MAGI2: variants seen among roughly 807,000 people sequenced by gnomAD.
The protein encoded by MAGI2 is membrane associated guanylate kinase, WW and PDZ domain containing 2, also known as membrane-associated guanylate kinase, WW and PDZ domain-containing protein 2.
A neutral mutation model predicts 133.3 loss-of-function variants in MAGI2; 35 were observed. That is an observed-to-expected ratio of 0.26 (90% CI 0.20 to 0.35). The LOEUF is 0.35. MAGI2 is among the 10% of genes least tolerant of loss of function. MAGI2 has a pLI of 1.00. For missense variants in MAGI2, 1,636 were observed against 1,863.4 expected, an observed-to-expected ratio of 0.88 and a Z score of 2.25; for synonymous variants, 729 against 710.6, an observed-to-expected ratio of 1.03 and a Z score of -0.41.
intron 1 of MAGI2, among the ~76,000 whole-genome samples, chr7:79,027,758 A>G (rs1001676945): frequency 6.6e-6 from 1 of 152,184 alleles, no homozygotes; most frequent in Non-Finnish European, 1.5e-5. Flanking sequence ...TGTATTAATA[A>G]ATCATAGCAT....
rs574613636 is a variant in MAGI2, at chr7:78,304,731, G to A, written c.1408+39047C>T. Among the ~76,000 whole-genome samples, 5 of 152,280 alleles carry A rather than the reference G, an allele frequency of 3.3e-5. No individual in the cohort carries two copies. In the East Asian group the frequency reaches 9.7e-4, roughly 29 times the overall value. ...GTGAAAAATCAAAGCCAGGAAGGGG[G>A]ATAAGACGTATTGGGGGAAGAGTAG... is the stretch of plus-strand genomic sequence containing the variant. On this transcript the variant is annotated intron_variant, in intron 9 of 21. Transcript: ENST00000354212.
chr7:78,567,419 C>CAA (rs931040374), intron 3 of MAGI2, among the ~76,000 whole-genome samples: 2 of 148,976 alleles, frequency 1.3e-5, no homozygotes, highest in Non-Finnish European at 3.0e-5. Context: ...CACACACACA[C>CAA]AACCGCAATG....
chr7:79,442,852 T>C (rs1311816058), intron 1 of MAGI2, among the ~76,000 whole-genome samples: 1 of 152,092 alleles, frequency 6.6e-6, no homozygotes, highest in Non-Finnish European at 1.5e-5. Context: ...TTTTGGAACA[T>C]TTTAGTGACC....
intron 2 of MAGI2, among the ~76,000 whole-genome samples, chr7:78,889,238 C>A (rs1000267120): frequency 6.6e-6 from 1 of 152,016 alleles, no homozygotes; most frequent in African/African-American, 2.4e-5. Flanking sequence ...GTGAGAAGAC[C>A]AAATCTACGT....
At chr7:79,394,517 A>T (rs1483306924) in intron 1 of MAGI2, among the ~76,000 whole-genome samples, 1 of 152,180 alleles carries the variant, frequency 6.6e-6, no homozygotes, top group East Asian at 1.9e-4. Context: ...ACCATGAATA[A>T]AATCCTGCCC....
chr7:79,100,069 C>T (rs1248303636), intron 1 of MAGI2, among the ~76,000 whole-genome samples: 1 of 152,122 alleles, frequency 6.6e-6, no homozygotes, highest in Non-Finnish European at 1.5e-5. Flanking sequence ...TCTCCTAAAA[C>T]ATCACTTTGA....
chr7:78,847,190 TAATA>T (rs1189428650), intron 2 of MAGI2, among the ~76,000 whole-genome samples: 1 of 152,022 alleles, frequency 6.6e-6, no homozygotes, highest in Non-Finnish European at 1.5e-5. Flanking sequence ...ATCTCATAAT[TAATA>T]TATTCATTTA....
intron 3 of MAGI2, among the ~76,000 whole-genome samples, chr7:78,529,667 G>GTTTTTTTTTTTT (rs1563128653): frequency 2.5e-4 from 14 of 56,328 alleles, no homozygotes; most frequent in African/African-American, 9.1e-4. Flanking sequence ...TAAAGGAGAT[G>GTTTTTTTTTTTT]GTTTTTTTTT....
intron 1 of MAGI2, among the ~76,000 whole-genome samples, chr7:79,112,703 T>G (rs561998751): frequency 6.6e-6 from 1 of 152,328 alleles, no homozygotes; most frequent in East Asian, 1.9e-4. Flanking sequence ...AATGCCATTT[T>G]TTTTGTACTT....
chr7:78,308,247 G>A (rs1798403989), intron 9 of MAGI2, among the ~76,000 whole-genome samples: 1 of 152,166 alleles, frequency 6.6e-6, no homozygotes, highest in Admixed American at 6.6e-5. Flanking sequence ...GAGTCTCTGT[G>A]ATTTAGGTAG....
At chr7:78,833,799 G>A (rs891699656) in intron 2 of MAGI2, among the ~76,000 whole-genome samples, 1 of 152,182 alleles carries the variant, frequency 6.6e-6, no homozygotes, top group Admixed American at 6.5e-5. Flanking sequence ...ATACAAATGG[G>A]AGAGTGCTAC....
intron 21 of MAGI2, among the ~76,000 whole-genome samples, chr7:78,053,514 TGAA>T (rs1462381020): frequency 2.0e-5 from 3 of 152,244 alleles, no homozygotes; most frequent in African/African-American, 7.2e-5. Flanking sequence ...TGCATATATT[TGAA>T]GGTCAAAAAG....
At chr7:78,185,500 G>A in intron 13 of MAGI2, 129 bp downstream of exon 13, 1 of 601,522 alleles carries the variant, frequency 1.7e-6, no homozygotes, top group Non-Finnish European at 2.7e-6. Flanking sequence ...TTGAATACAT[G>A]TTTTATGTAG....
At chr7:78,706,509 T>C (rs1818663143) in intron 2 of MAGI2, among the ~76,000 whole-genome samples, 1 of 152,084 alleles carries the variant, frequency 6.6e-6, no homozygotes, top group African/African-American at 2.4e-5. Flanking sequence ...CTTAGTACTT[T>C]GAAGTCACAT....
At chr7:78,055,024 T>C (rs1349767774) in intron 21 of MAGI2, among the ~76,000 whole-genome samples, 1 of 152,200 alleles carries the variant, frequency 6.6e-6, no homozygotes, top group Non-Finnish European at 1.5e-5. Context: ...TGCCTTGGCC[T>C]CCCAAAGTGC....
chr7:78,945,268 G>A (rs1801325335), intron 2 of MAGI2, among the ~76,000 whole-genome samples: 1 of 151,646 alleles, frequency 6.6e-6, no homozygotes, highest in South Asian at 2.1e-4. Context: ...CACCATGTTG[G>A]CCAGGCTGGT....
intron 1 of MAGI2, among the ~76,000 whole-genome samples, chr7:79,304,771 G>A (rs1837656644): frequency 6.6e-6 from 1 of 152,198 alleles, no homozygotes; most frequent in Admixed American, 6.5e-5. Flanking sequence ...CCATCTCTTA[G>A]TGGGGCAAAG....
At chr7:79,361,326 A>G (rs1040139245) in intron 1 of MAGI2, among the ~76,000 whole-genome samples, 5 of 152,250 alleles carry the variant, frequency 3.3e-5, no homozygotes, top group African/African-American at 1.2e-4. Flanking sequence ...CCTTTAAATG[A>G]TATGGAAGGA....
chr7:79,387,000 T>TAC (rs201215499), intron 1 of MAGI2, among the ~76,000 whole-genome samples: 1 of 106,816 alleles, frequency 9.4e-6, no homozygotes, highest in Non-Finnish European at 1.8e-5. Context: ...TATATATGTA[T>TAC]ACACACACAC....
Sources: allele counts gnomAD v4.1 joint callset (sites outside exome capture counted in the v4.1 genomes callset), GRCh38; gene constraint gnomAD v4.1.1; transcripts MANE v1.5; gene names NCBI Gene and HGNC (gene_info 2026-07-23, HGNC 2026-07-21).